WDR82: variants seen among roughly 807,000 people sequenced by gnomAD.
The protein encoded by WDR82 is WD repeat domain 82.
A neutral mutation model predicts 36.1 loss-of-function variants in WDR82; 8 were observed. That is an observed-to-expected ratio of 0.22 (90% CI 0.13 to 0.40). WDR82 has a LOEUF of 0.40. Among genes scored for constraint, WDR82 ranks in the 10% least tolerant of loss-of-function variants. WDR82 has a pLI of 1.00. For synonymous variants in WDR82, 129 were observed against 137.8 expected, an observed-to-expected ratio of 0.94 and a Z score of 0.45; for missense variants, 185 against 400.5, an observed-to-expected ratio of 0.46 and a Z score of 4.59.
At chr3:52,272,543 C>CAAAAAAAAA (rs538212712) in intron 1 of WDR82, among the ~76,000 whole-genome samples, 10 of 100,276 alleles carry the variant, frequency 1.0e-4, no homozygotes, top group African/African-American at 1.6e-4. Flanking sequence ...GACTCCATCT[C>CAAAAAAAAA]AAAAAAAAAA....
intron 1 of WDR82, among the ~76,000 whole-genome samples, chr3:52,271,257 C>A (rs1427152087): frequency 3.9e-5 from 6 of 152,168 alleles, no homozygotes; most frequent in African/African-American, 1.4e-4. Flanking sequence ...TGTTTAGATA[C>A]ACAAACACTT....
Position 52,261,365 on chromosome 3 carries a change from G to A in WDR82, c.426+15C>T. 1.2e-6 allele frequency: 2 copies of A among 1,605,086 alleles called. No homozygotes were observed. The highest frequency in any genetic ancestry group is 8.5e-7 in the Non-Finnish European group (1 of 1,174,652). On this transcript the variant is annotated intron_variant, in intron 4 of 8. Transcript: ENST00000296490. The stretch of plus-strand genomic sequence containing the variant: ...AAGAAAATGCTCAAAAAGTATAACT[G>A]TGAGGTACCATTACCTGGCAGTTAG...
chr3:52,265,361 AATT>A (rs1700097112), intron 3 of WDR82, among the ~76,000 whole-genome samples: 1 of 148,846 alleles, frequency 6.7e-6, no homozygotes, highest in Admixed American at 6.7e-5. Context: ...GAGGTTGAAT[AATT>A]GGGAAGACTG....
intron 3 of WDR82, among the ~76,000 whole-genome samples, chr3:52,263,874 G>A (rs1469622706): frequency 6.6e-6 from 1 of 152,220 alleles, no homozygotes; most frequent in Non-Finnish European, 1.5e-5. Flanking sequence ...TATAAAACAT[G>A]TAGGTGGTGC....
chr3:52,267,054 C>CCT, intron 2 of WDR82, 36 bp from the exon 3 acceptor site: 4 of 1,526,924 alleles, frequency 2.6e-6, no homozygotes, highest in South Asian at 1.1e-5. Flanking sequence ...TGATATCATA[C>CCT]TATTTAAAAG....
chr3:52,262,616 T>C (rs1447895585), intron 3 of WDR82, among the ~76,000 whole-genome samples: 1 of 152,194 alleles, frequency 6.6e-6, no homozygotes, highest in Non-Finnish European at 1.5e-5. Context: ...GTGAGGCTGC[T>C]GTTTTGGGCA....
chr3:52,258,396 G>T, intron 8 of WDR82, 140 bp downstream of exon 8: 1 of 998,286 alleles, frequency 1.0e-6, no homozygotes, highest in Non-Finnish European at 1.5e-6. Flanking sequence ...ATGAAATAGG[G>T]AAACCACCAG....
intron 1 of WDR82, among the ~76,000 whole-genome samples, chr3:52,275,656 C>G (rs1308207033): frequency 6.6e-6 from 1 of 152,162 alleles, no homozygotes; most frequent in African/African-American, 2.4e-5. Flanking sequence ...GAGGCTGAGG[C>G]GGGTAGATCA....
Position 52,278,441 on chromosome 3 carries a change from A to C in WDR82, c.-80T>G. ...GAGCGGGCGGGCTGCCGAGGGGCCAACCCAGGCGGGGCGGGCGCCGCGCCG... is the reference window on the plus strand; with the variant it reads ...GAGCGGGCGGGCTGCCGAGGGGCCACCCCAGGCGGGGCGGGCGCCGCGCCG... On this transcript the variant is annotated 5_prime_UTR_variant, in exon 1 of 9. Transcript: ENST00000296490. 1 of 1,145,302 alleles carries C rather than the reference A, an allele frequency of 8.7e-7. No homozygotes were observed. The highest frequency in any genetic ancestry group is 1.1e-6 in the Non-Finnish European group (1 of 926,970). The allele number at this position is 1,145,302 out of a possible 1,614,324, so 70.9% of individuals were successfully genotyped here.
Position 52,259,279 on chromosome 3 carries a change from A to G in WDR82, c.700-13T>C. On this transcript the variant is annotated splice_polypyrimidine_tract_variant and intron_variant, in intron 6 of 8. Coordinates refer to ENST00000296490, the MANE Select transcript of WDR82 (RefSeq NM_025222.4). ...TGTTGGCATAACCCTAAAACAAAAC[A>G]GAGCAGTTCTTTTGTTCTTACAGAG... 1.2e-6 allele frequency: 2 copies of G among 1,613,766 alleles called. No individual in the cohort carries two copies. The highest frequency in any genetic ancestry group is 1.7e-6 in the Non-Finnish European group (2 of 1,179,830).
At chr3:52,271,521 T>C (rs1344026209) in intron 1 of WDR82, among the ~76,000 whole-genome samples, 1 of 151,744 alleles carries the variant, frequency 6.6e-6, no homozygotes, top group African/African-American at 2.4e-5. Context: ...AAGAGGGATA[T>C]GAGAATATGT....
intron 8 of WDR82, among the ~76,000 whole-genome samples, chr3:52,257,889 G>A (rs1325010343): frequency 6.6e-6 from 1 of 151,790 alleles, no homozygotes; most frequent in East Asian, 1.9e-4. Flanking sequence ...GCTGTAAAAA[G>A]TAAGGAACTG....
intron 1 of WDR82, among the ~76,000 whole-genome samples, chr3:52,276,995 G>A (rs1369267358): frequency 6.8e-6 from 1 of 147,210 alleles, no homozygotes; most frequent in African/African-American, 2.5e-5. Flanking sequence ...TCCAAAAGAA[G>A]GACACCAGTC....
At position 52,259,744 on chromosome 3, in the gene WDR82, G is replaced by A; in HGVS notation, c.672C>T (p.Phe224=). 2 of 1,613,988 alleles carry A rather than the reference G, an allele frequency of 1.2e-6. No individual in the cohort carries two copies. Among genetic ancestry groups the A allele is most frequent in the Non-Finnish European group, 8.5e-7 (1 of 1,179,948 alleles). The stretch of plus-strand genomic sequence containing the variant: ...CAAATGTGTGCATCACCACTCCTTT[G>A]AATGCATCAATCAGACGAATGAAGC... ...NGSFIRLIDA[F]KGVVMHTFGG... is the part of the protein sequence containing the mutation. The change falls in exon 6 of 9, where the codon TTC becomes TTT. Residue 224 remains phenylalanine (F), a synonymous_variant. Coordinates refer to ENST00000296490, the MANE Select transcript of WDR82 (RefSeq NM_025222.4).
chr3:52,259,377 C>T (rs1700040018), intron 6 of WDR82, 111 bp from the exon 7 acceptor site: 2 of 1,108,722 alleles, frequency 1.8e-6, no homozygotes, highest in African/African-American at 3.2e-5. Flanking sequence ...GAAACCCTTT[C>T]CTTGTCATGT....
rs1355468070 is a variant in WDR82 at position 52,256,306 on chromosome 3, GC to G, written c.*1183del. On this transcript the variant is annotated 3_prime_UTR_variant, in exon 9 of 9. Coordinates refer to ENST00000296490, the MANE Select transcript of WDR82 (RefSeq NM_025222.4). ...TCTCCTGGGCTGCAGGACTCCATCT[GC>G]TTCAGCTGAACTCTTGGAAACTACA... 1 of 153,760 alleles carries G rather than the reference GC, an allele frequency of 6.5e-6. No homozygotes were observed. The highest frequency in any genetic ancestry group is 2.4e-5 in the African/African-American group (1 of 41,420). The allele number at this position is 153,760 out of a possible 1,614,324, so 9.5% of individuals were successfully genotyped here.
intron 1 of WDR82, among the ~76,000 whole-genome samples, chr3:52,272,960 A>G (rs1156910712): frequency 6.6e-6 from 1 of 152,228 alleles, no homozygotes; most frequent in Non-Finnish European, 1.5e-5. Flanking sequence ...TCACTCCTAA[A>G]AAGATCAGCA....
At position 52,276,467 on chromosome 3, in the gene WDR82, G is replaced by A. The variant is rs905284314; in HGVS notation, c.161+1734C>T. Among the ~76,000 whole-genome samples the A allele has an allele frequency of 2.6e-5, 4 of 151,998 alleles. No homozygotes were observed. In the South Asian group the frequency reaches 8.3e-4, roughly 31 times the overall value. Reference sequence around the variant, plus strand: ...AAAAAAACAAAAAAAAGAAAGACAGGACTTCATGTCAAGGTCATCCTTCCC... The same window carrying A: ...AAAAAAACAAAAAAAAGAAAGACAGAACTTCATGTCAAGGTCATCCTTCCC... On this transcript the variant is annotated intron_variant, in intron 1 of 8. Coordinates refer to ENST00000296490, the MANE Select transcript of WDR82 (RefSeq NM_025222.4).
intron 8 of WDR82, 67 bp from the exon 9 acceptor site, chr3:52,257,586 TC>T: frequency 6.2e-7 from 1 of 1,604,974 alleles, no homozygotes; most frequent in South Asian, 1.1e-5. Flanking sequence ...GTTCTTCACA[TC>T]CCACCCCACA....
Sources: gnomAD v4.1 joint callset for allele counts (sites outside exome capture counted in the v4.1 genomes callset) on GRCh38, gnomAD v4.1.1 for gene constraint, MANE v1.5 for transcripts, NCBI Gene and HGNC (gene_info 2026-07-23, HGNC 2026-07-21) for gene names.